CFAP95: variants seen among roughly 807,000 people sequenced by gnomAD.
The protein encoded by CFAP95 is cilia- and flagella-associated protein 95.
At chr9:69,890,259 T>C in the CFAP95 span, among the ~76,000 whole-genome samples, 1 of 152,186 alleles carries the variant, frequency 6.6e-6, no homozygotes, top group African/African-American at 2.4e-5. Context: ...CATTGCATTA[T>C]ATATTTATGC....
chr9:69,863,666 T>C, the CFAP95 span, among the ~76,000 whole-genome samples: 2 of 152,192 alleles, frequency 1.3e-5, no homozygotes, highest in Non-Finnish European at 2.9e-5. Context: ...ATCTCTGGGC[T>C]GTGTCTACGA....
the CFAP95 span, chr9:69,905,803 T>A: frequency 1.8e-6 from 1 of 541,728 alleles, no homozygotes; most frequent in Non-Finnish European, 2.8e-6. Context: ...TTTTTTTAAC[T>A]GAAACATTTG....
chr9:69,857,176 A>AT, the CFAP95 span, among the ~76,000 whole-genome samples: 3 of 151,592 alleles, frequency 2.0e-5, no homozygotes, highest in Non-Finnish European at 4.4e-5. Context: ...TTGCTTTTTG[A>AT]TTTTTGTTCT....
chr9:69,827,731 G>C, the CFAP95 span, among the ~76,000 whole-genome samples: 1 of 152,142 alleles, frequency 6.6e-6, no homozygotes, highest in Non-Finnish European at 1.5e-5. Context: ...TGGTGTCTCT[G>C]CCTCCAGATT....
At chr9:69,889,377 C>T in the CFAP95 span, among the ~76,000 whole-genome samples, 1 of 152,202 alleles carries the variant, frequency 6.6e-6, no homozygotes, top group Non-Finnish European at 1.5e-5. Context: ...CCAACTACTC[C>T]CAGATAACTT....
chr9:69,864,253 A>G, the CFAP95 span, among the ~76,000 whole-genome samples: 2 of 152,184 alleles, frequency 1.3e-5, no homozygotes, highest in African/African-American at 4.8e-5. Context: ...ATGGGAGAAG[A>G]AAAAAATTAA....
the CFAP95 span, chr9:69,886,970 T>G: frequency 8.4e-7 from 1 of 1,193,494 alleles, no homozygotes. Context: ...TAGTCAAACT[T>G]GGGAAGAAAG....
At chr9:69,898,622 G>A in the CFAP95 span, among the ~76,000 whole-genome samples, 2 of 152,170 alleles carry the variant, frequency 1.3e-5, 1 homozygote, top group Admixed American at 1.3e-4. Context: ...AGTGTCTGTG[G>A]TACAGTTTTC....
chr9:69,840,855 G>C, the CFAP95 span, among the ~76,000 whole-genome samples: 1 of 152,050 alleles, frequency 6.6e-6, no homozygotes, highest in South Asian at 2.1e-4. Flanking sequence ...GCAGCCGGCA[G>C]GCACGAGGAA....
At chr9:69,859,027 T>A in the CFAP95 span, among the ~76,000 whole-genome samples, 7 of 152,256 alleles carry the variant, frequency 4.6e-5, no homozygotes, top group Non-Finnish European at 1.0e-4. Context: ...AGTTAATATA[T>A]GTCAAACAAT....
the CFAP95 span, among the ~76,000 whole-genome samples, chr9:69,850,874 A>G: frequency 6.6e-6 from 1 of 152,200 alleles, no homozygotes; most frequent in South Asian, 2.1e-4. Context: ...CCACAATGAC[A>G]TCTGGCTTTC....
chr9:69,857,875 A>G, the CFAP95 span: 5 of 1,600,374 alleles, frequency 3.1e-6, no homozygotes, highest in Non-Finnish European at 4.3e-6. Context: ...TTACACTCTA[A>G]CAAGTTTTCT....
the CFAP95 span, among the ~76,000 whole-genome samples, chr9:69,855,194 G>T: frequency 6.6e-6 from 1 of 152,170 alleles, no homozygotes; most frequent in Non-Finnish European, 1.5e-5. Flanking sequence ...CACTCATTCT[G>T]CTCCACTAAT....
At chr9:69,854,870 T>C in the CFAP95 span, among the ~76,000 whole-genome samples, 3 of 152,230 alleles carry the variant, frequency 2.0e-5, no homozygotes, top group African/African-American at 7.2e-5. Context: ...TGTAGGTTGT[T>C]CTGAGTAGGT....
chr9:69,868,594 G>T, the CFAP95 span, among the ~76,000 whole-genome samples: 3 of 150,262 alleles, frequency 2.0e-5, no homozygotes, highest in East Asian at 5.8e-4. Context: ...GGAGGCAGAG[G>T]TTGCAGTGAG....
the CFAP95 span, among the ~76,000 whole-genome samples, chr9:69,825,675 A>G: frequency 6.6e-6 from 1 of 152,196 alleles, no homozygotes; most frequent in Non-Finnish European, 1.5e-5. Flanking sequence ...ATTTTCTGTT[A>G]GGATATCTTC....
the CFAP95 span, among the ~76,000 whole-genome samples, chr9:69,865,007 C>T: frequency 1.3e-5 from 2 of 152,200 alleles, no homozygotes; most frequent in East Asian, 1.9e-4. Flanking sequence ...TTATAATCCC[C>T]ATAATCCCCA....
At chr9:69,823,839 G>A in the CFAP95 span, among the ~76,000 whole-genome samples, 4 of 152,188 alleles carry the variant, frequency 2.6e-5, no homozygotes. Flanking sequence ...GATGCTCAGT[G>A]GTGGAGCTTT....
At chr9:69,820,988 T>G in the CFAP95 span, 2 of 1,613,808 alleles carry the variant, frequency 1.2e-6, no homozygotes, top group Non-Finnish European at 1.7e-6. Flanking sequence ...GACCCTCCGC[T>G]CCCATCACAA....
Sources: gnomAD v4.1 joint callset for allele counts (sites outside exome capture counted in the v4.1 genomes callset) on GRCh38, gnomAD v4.1.1 for gene constraint, MANE v1.5 for transcripts, NCBI Gene and HGNC (gene_info 2026-07-23, HGNC 2026-07-21) for gene names.